The following DERA variants were observed in gnomAD, a reference collection of about 807,000 sequenced individuals.
The protein encoded by DERA is 2-deoxy-D-ribose 5-phosphate aldolase.
Under a neutral mutation model 41.1 loss-of-function variants are expected in DERA, and 15 were observed. The observed-to-expected ratio is 0.37, with a 90% CI of 0.24 to 0.56. The LOEUF (loss-of-function observed/expected upper bound fraction) is 0.56. DERA is among the 20% of genes least tolerant of loss of function. The probability of loss-of-function intolerance (pLI) is 0.81; values close to 1 mark genes in which losing one functional copy is unlikely to be tolerated. For missense variants in DERA, 396 were observed against 403.4 expected (o/e 0.98, Z 0.16); for synonymous variants, 139 against 137.4 (o/e 1.01, Z -0.08).
At chr12:15,916,834 A>G (rs1018338925) in intron 1 of DERA, among the ~76,000 whole-genome samples, 6 of 151,194 alleles carry the variant, frequency 4.0e-5, no homozygotes, top group South Asian at 2.1e-4. Flanking sequence ...CTGGTCTTGA[A>G]CTCCTGGGCT....
At chr12:16,016,012 T>C (rs1592051632) in intron 6 of DERA, among the ~76,000 whole-genome samples, 1 of 152,232 alleles carries the variant, frequency 6.6e-6, no homozygotes, top group South Asian at 2.1e-4. Context: ...TCAGGCGGTT[T>C]TAGTATTCTC....
rs1307938314 is a variant in DERA at position 15,993,680 on chromosome 12, A to G, written c.637+11244A>G. The stretch of plus-strand genomic sequence containing the variant: ...ACTAGCCCTGGAAATTAGACTACTT[A>G]TAGGGTGAAAACTAATTAACTTGCT... On this transcript the variant is annotated intron_variant, in intron 6 of 8. Coordinates refer to ENST00000428559, the MANE Select transcript of DERA (RefSeq NM_015954.4). The surrounding 1 kb of genome is among the most constrained non-coding windows in gnomAD (Gnocchi z 4.4). 2.0e-5 allele frequency among the ~76,000 whole-genome samples: 3 copies of G among 152,176 alleles called. No individual in the cohort carries two copies. Among genetic ancestry groups the G allele is most frequent in the Non-Finnish European group, 2.9e-5 (2 of 68,020 alleles).
chr12:15,968,194 A>G (rs1948636757), intron 5 of DERA, among the ~76,000 whole-genome samples: 1 of 152,092 alleles, frequency 6.6e-6, no homozygotes, highest in Non-Finnish European at 1.5e-5. Context: ...AAATTCATAC[A>G]TTGAATACAT....
At chr12:15,991,034 T>C (rs1286422644) in intron 6 of DERA, among the ~76,000 whole-genome samples, 1 of 152,106 alleles carries the variant, frequency 6.6e-6, no homozygotes, top group Non-Finnish European at 1.5e-5. Flanking sequence ...AATCGCCATA[T>C]TGTTTTCCAT....
At chr12:15,949,140 G>A (rs948072781) in intron 1 of DERA, among the ~76,000 whole-genome samples, 1 of 152,160 alleles carries the variant, frequency 6.6e-6, no homozygotes, top group Non-Finnish European at 1.5e-5. Context: ...AGGCTACTCA[G>A]GGGTCAGAGA....
At position 15,936,850 on chromosome 12, in the gene DERA, G is replaced by GTTGTCTTGTCTTGTCTTGTC. The variant is rs71438362; in HGVS notation, c.32-20065_32-20046dup. 2.1e-3 allele frequency among the ~76,000 whole-genome samples: 277 copies of GTTGTCTTGTCTTGTCTTGTC among 129,482 alleles called. 5 individuals carry two copies. The highest frequency in any genetic ancestry group is 7.5e-3 in the African/African-American group (254 of 34,074). The allele number at this position is 129,482 out of a possible 152,430, so 84.9% of individuals were successfully genotyped here. ...CTTATTTCTGCATCTTCTGTCTTGT[G>GTTGTCTTGTCTTGTCTTGTC]TTGTCTTGTCTTGTCTTGTCTTGTC... On this transcript the variant is annotated intron_variant, in intron 1 of 8. Coordinates refer to ENST00000428559, the MANE Select transcript of DERA (RefSeq NM_015954.4). The surrounding 1 kb of genome is among the most constrained non-coding windows in gnomAD (Gnocchi z 4.6).
At chr12:15,950,802 T>G (rs1048337804) in intron 1 of DERA, among the ~76,000 whole-genome samples, 1 of 152,242 alleles carries the variant, frequency 6.6e-6, no homozygotes, top group Non-Finnish European at 1.5e-5. Context: ...AATAGATATT[T>G]ATGTGTTTAT....
chr12:15,951,763 A>G (rs1396679390), intron 1 of DERA, among the ~76,000 whole-genome samples: 1 of 152,152 alleles, frequency 6.6e-6, no homozygotes, highest in Non-Finnish European at 1.5e-5. Flanking sequence ...ACACCAACAG[A>G]TACATGTTTT....
chr12:15,986,464 G>A (rs1236521519), intron 6 of DERA, among the ~76,000 whole-genome samples: 2 of 151,960 alleles, frequency 1.3e-5, no homozygotes, highest in East Asian at 1.9e-4. Context: ...TCTTCTGTTG[G>A]CTTTTTATCT....
rs1019421874 is a variant in DERA, at chr12:15,996,971, G to A, written c.637+14535G>A. On this transcript the variant is annotated intron_variant, in intron 6 of 8. Transcript: ENST00000428559. This position sits in a 1 kb window ranked among gnomAD's most constrained non-coding sequence, Gnocchi z 4.7. The stretch of plus-strand genomic sequence containing the variant: ...GAATGAGGCATTAGGAGATAAATTT[G>A]CTTATGAGCAAGAGACAGATACTAA... 6.6e-6 allele frequency among the ~76,000 whole-genome samples: 1 copy of A among 152,154 alleles called. No individual in the cohort carries two copies. Among genetic ancestry groups the A allele is most frequent in the Admixed American group, 6.5e-5 (1 of 15,286 alleles).
Position 15,959,790 on chromosome 12 carries a change from CT to C in DERA, c.278-37del, listed in dbSNP as rs1474941750. On this transcript the variant is annotated intron_variant, in intron 3 of 8. Coordinates refer to ENST00000428559, the MANE Select transcript of DERA (RefSeq NM_015954.4). This position sits in a 1 kb window ranked among gnomAD's most constrained non-coding sequence, Gnocchi z 4.5. ...TTAAAAGCATGTTGTATGAGTTGAACTTCATTGAAAGTTGGCTATTCCTATT... is the reference window on the plus strand; with the variant it reads ...TTAAAAGCATGTTGTATGAGTTGAACTCATTGAAAGTTGGCTATTCCTATT... 2.1e-6 allele frequency: 3 copies of C among 1,418,626 alleles called. No homozygotes were observed. In the South Asian group the frequency reaches 3.8e-5, roughly 18 times the overall value. 87.9% of individuals were successfully genotyped at this position (1,418,626 alleles called of 1,614,324 possible). A position where few individuals can be genotyped will look rare whatever the true frequency, so the allele number is the denominator to read the frequency against.
At position 16,036,920 on chromosome 12, in the gene DERA, A is replaced by G; in HGVS notation, c.*174A>G. On this transcript the variant is annotated 3_prime_UTR_variant, in exon 9 of 9. Transcript: ENST00000428559. The surrounding 1 kb of genome is among the most constrained non-coding windows in gnomAD (Gnocchi z 4.9). ...AAAAGCAAACTCATCCACATGTGGT[A>G]CTCATTTCAGGCACATCTGAAATGA... 1.7e-6 allele frequency: 1 copy of G among 587,968 alleles called. No homozygotes were observed. Among genetic ancestry groups the G allele is most frequent in the Non-Finnish European group, 3.0e-6 (1 of 333,656 alleles). 36.4% of individuals were successfully genotyped at this position (587,968 alleles called of 1,614,324 possible).
intron 1 of DERA, among the ~76,000 whole-genome samples, chr12:15,917,807 C>T (rs1021063443): frequency 6.6e-6 from 1 of 152,144 alleles, no homozygotes; most frequent in Non-Finnish European, 1.5e-5. Context: ...TTCCCTTTCC[C>T]AGCACCAAAG....
In DERA at chr12:15,943,015, G is replaced by A. The variant is rs528958501; in HGVS notation, c.32-13921G>A. On this transcript the variant is annotated intron_variant, in intron 1 of 8. Transcript: ENST00000428559. The surrounding 1 kb of genome is among the most constrained non-coding windows in gnomAD (Gnocchi z 4.5). ...CATATTGGGAAGAGCTATCAAATTT[G>A]ACTTCAGTAGTTACTTAGAGCATAG... Among the ~76,000 whole-genome samples the A allele has an allele frequency of 6.6e-5, 10 of 152,292 alleles. No homozygotes were observed. In the South Asian group the frequency reaches 2.1e-3, roughly 32 times the overall value.
At position 15,912,623 on chromosome 12, in the gene DERA, A is replaced by G. The variant is rs1210659593; in HGVS notation, c.31+1209A>G. 5.3e-5 allele frequency among the ~76,000 whole-genome samples: 8 copies of G among 152,182 alleles called. No individual in the cohort carries two copies. In the East Asian group the frequency reaches 1.4e-3, roughly 26 times the overall value. On this transcript the variant is annotated intron_variant, in intron 1 of 8. Transcript: ENST00000428559. ...TTAGGAGATTAAATAGGATACATGT[A>G]AAGTAGTTTGGTATATTGTGGACAC...
chr12:15,971,170 T>A (rs1948657197), intron 5 of DERA, among the ~76,000 whole-genome samples: 1 of 152,228 alleles, frequency 6.6e-6, no homozygotes, highest in South Asian at 2.1e-4. Context: ...CTGTTTTCTG[T>A]TTTAAGGCTT....
Position 15,984,962 on chromosome 12 carries a change from T to C in DERA, c.637+2526T>C, listed in dbSNP as rs1450981. On this transcript the variant is annotated intron_variant, in intron 6 of 8. Transcript: ENST00000428559. The surrounding 1 kb of genome is among the most constrained non-coding windows in gnomAD (Gnocchi z 4.5). Reference sequence around the variant, plus strand: ...ATTCTGTATTCTACTTCTGTGGTGGTATAAAAAATTTTTTCTTAAATCAAT... The same window carrying C: ...ATTCTGTATTCTACTTCTGTGGTGGCATAAAAAATTTTTTCTTAAATCAAT... 0.23 allele frequency among the ~76,000 whole-genome samples: 35,503 copies of C among 152,120 alleles called. 4,318 individuals are homozygous for C. Among genetic ancestry groups the C allele is most frequent in the Admixed American group, 0.32 (4,861 of 15,282 alleles).
chr12:15,924,629 G>A lies in DERA; in HGVS notation c.31+13215G>A, dbSNP rs1487010641. On this transcript the variant is annotated intron_variant, in intron 1 of 8. Transcript: ENST00000428559. The surrounding 1 kb of genome is among the most constrained non-coding windows in gnomAD (Gnocchi z 5.0). ...ATGGACCTAATGGCTACCTGGTAGA[G>A]TTAGTGAGACTATTAAGTGAGATAT... is the stretch of plus-strand genomic sequence containing the variant. Among the ~76,000 whole-genome samples, 3 of 152,170 alleles carry A rather than the reference G, an allele frequency of 2.0e-5. No individual in the cohort carries two copies. Among genetic ancestry groups the A allele is most frequent in the African/African-American group, 7.2e-5 (3 of 41,438 alleles).
intron 1 of DERA, among the ~76,000 whole-genome samples, chr12:15,934,511 GGGA>G (rs1346065306): frequency 1.3e-5 from 2 of 151,892 alleles, no homozygotes; most frequent in Non-Finnish European, 2.9e-5. Context: ...GCTTGAACCT[GGGA>G]GGAGGAGGAG....
Sources: gnomAD v4.1 joint callset for allele counts (sites outside exome capture counted in the v4.1 genomes callset) on GRCh38, gnomAD v4.1.1 for gene constraint, Gnocchi (gnomAD v3.1) non-coding constraint, MANE v1.5 for transcripts, NCBI Gene and HGNC (gene_info 2026-07-23, HGNC 2026-07-21) for gene names.